Variants in SCGN observed in about 807,000 individuals in gnomAD.
The protein encoded by SCGN is secretagogin.
A neutral mutation model predicts 39.7 loss-of-function variants in SCGN; 30 were observed. The observed-to-expected ratio is 0.76, with a 90% CI of 0.57 to 1.03. The LOEUF is 1.03. SCGN is among the 50% of genes least tolerant of loss of function. The probability of loss-of-function intolerance (pLI) is 0.00; values close to 1 mark genes in which losing one functional copy is unlikely to be tolerated. For synonymous variants in SCGN, 106 were observed against 114.1 expected (o/e 0.93, Z 0.45); for missense variants, 353 against 349.4 (o/e 1.01, Z -0.08).
At chr6:25,662,628 C>A (rs980098225) in intron 3 of SCGN, among the ~76,000 whole-genome samples, 1 of 152,166 alleles carries the variant, frequency 6.6e-6, no homozygotes, top group Non-Finnish European at 1.5e-5. Flanking sequence ...GTTAATAGGG[C>A]AGGATAATGT....
intron 10 of SCGN, 101 bp from the exon 11 acceptor site, chr6:25,701,106 T>A (rs920179673): frequency 3.7e-5 from 50 of 1,354,962 alleles, no homozygotes; most frequent in Non-Finnish European, 7.9e-6. Context: ...CCTGTCTCCT[T>A]CAAGGCAGGA....
chr6:25,684,669 G>A (rs950145108), intron 7 of SCGN, among the ~76,000 whole-genome samples: 3 of 152,120 alleles, frequency 2.0e-5, no homozygotes, highest in African/African-American at 7.2e-5. Context: ...AATTAGCTGG[G>A]TGTGGTGGTG....
chr6:25,661,170 A>C (rs978008393), intron 2 of SCGN, among the ~76,000 whole-genome samples: 9 of 152,226 alleles, frequency 5.9e-5, no homozygotes, highest in African/African-American at 2.2e-4. Context: ...TGGACTTTTC[A>C]GTTAAAAAAT....
rs865840138 is a variant in SCGN at position 25,661,576 on chromosome 6, C to T, written c.178C>T (p.His60Tyr). 6 of 1,613,300 alleles carry T rather than the reference C, an allele frequency of 3.7e-6. No individual in the cohort carries two copies. The highest frequency in any genetic ancestry group is 2.2e-5 in the South Asian group (2 of 90,994). The part of the protein sequence containing the change: ...TDDTVMKANL[H>Y]KVKQQFMTTQ... ...GGACACGGTCATGAAAGCAAATTTG[C>T]ACAAGGTGAAACAGCAGTTTATGAC... is the stretch of plus-strand genomic sequence containing the variant. The change falls in exon 3 of 11, where the codon CAC (histidine) becomes TAC (tyrosine). Residue 60 changes from histidine (H) to tyrosine (Y), a missense_variant. His to Tyr is a moderately conservative substitution (Grantham distance 83). Coordinates refer to ENST00000377961, the MANE Select transcript of SCGN (RefSeq NM_006998.4).
chr6:25,689,506 G>T lies in SCGN; in HGVS notation c.607G>T (p.Glu203Ter), dbSNP rs1423242526. The T allele has an allele frequency of 6.2e-7, 1 of 1,613,930 alleles. No homozygotes were observed. The highest frequency in any genetic ancestry group is 1.3e-5 in the African/African-American group (1 of 75,042). The change falls in exon 9 of 11, where the codon GAG becomes TAG. Residue 203 changes from glutamate (E) to a stop codon, truncating the protein, a stop_gained. Coordinates refer to ENST00000377961, the MANE Select transcript of SCGN (RefSeq NM_006998.4). LOFTEE classifies it high-confidence loss of function. ...TACTGAAGAAAGGAAAAGGGACTTTGAGAAAATCTTTGCCTACTATGATGT... is the reference window on the plus strand; with the variant it reads ...TACTGAAGAAAGGAAAAGGGACTTTTAGAAAATCTTTGCCTACTATGATGT... ...CSTEERKRDF[E>*]KIFAYYDVSK...
intron 10 of SCGN, among the ~76,000 whole-genome samples, chr6:25,691,728 A>G (rs542717148): frequency 4.2e-4 from 64 of 152,216 alleles, no homozygotes; most frequent in African/African-American, 1.4e-3. Flanking sequence ...ATCATTTCCT[A>G]TTCTTCCTTT....
At chr6:25,655,118 A>G (rs987255019) in intron 2 of SCGN, among the ~76,000 whole-genome samples, 9 of 152,204 alleles carry the variant, frequency 5.9e-5, no homozygotes, top group African/African-American at 1.9e-4. Context: ...CTTATCTATC[A>G]TGGACATGGG....
intron 2 of SCGN, among the ~76,000 whole-genome samples, chr6:25,657,312 A>G (rs2011465): frequency 0.82 from 124,683 of 152,096 alleles, 51,386 homozygotes; most frequent in African/African-American, 0.89. Context: ...GCAGAAATCC[A>G]ATGCTCATTC....
chr6:25,694,569 T>C (rs947458453), intron 10 of SCGN, among the ~76,000 whole-genome samples: 2 of 152,236 alleles, frequency 1.3e-5, no homozygotes, highest in Admixed American at 6.5e-5. Flanking sequence ...ACAGAGCTAG[T>C]TCCTAGAGAC....
At chr6:25,682,212 C>T (rs549003644) in intron 7 of SCGN, among the ~76,000 whole-genome samples, 12 of 152,296 alleles carry the variant, frequency 7.9e-5, no homozygotes, top group Non-Finnish European at 1.5e-4. Context: ...CTCTCCAAAA[C>T]GCACAACACA....
At chr6:25,666,256 G>A (rs918387556) in intron 4 of SCGN, among the ~76,000 whole-genome samples, 6 of 151,604 alleles carry the variant, frequency 4.0e-5, no homozygotes, top group Non-Finnish European at 7.4e-5. Context: ...CTCGGGAGGC[G>A]TAGGGTGGAG....
intron 4 of SCGN, among the ~76,000 whole-genome samples, chr6:25,666,744 G>GT (rs1298941870): frequency 6.6e-6 from 1 of 152,106 alleles, no homozygotes; most frequent in East Asian, 1.9e-4. Flanking sequence ...TTGTTTAAAA[G>GT]TTGTTTACCC....
chr6:25,682,054 G>C (rs1239249436), intron 7 of SCGN, 48 bp downstream of exon 7: 1 of 1,388,118 alleles, frequency 7.2e-7, no homozygotes, highest in Non-Finnish European at 1.0e-6. Context: ...ACCTTACTAG[G>C]GGTCTGATGA....
chr6:25,687,242 A>G (rs971006207), intron 7 of SCGN, among the ~76,000 whole-genome samples: 1 of 152,134 alleles, frequency 6.6e-6, no homozygotes, highest in Non-Finnish European at 1.5e-5. Flanking sequence ...TCAGATTTTG[A>G]TGGGGATTGT....
At chr6:25,680,117 C>T (rs1180748371) in intron 6 of SCGN, among the ~76,000 whole-genome samples, 1 of 152,088 alleles carries the variant, frequency 6.6e-6, no homozygotes, top group Non-Finnish European at 1.5e-5. Context: ...CTATTGAGCC[C>T]TCATAAATGG....
intron 8 of SCGN, 117 bp from the exon 9 acceptor site, chr6:25,689,356 C>A: frequency 8.6e-7 from 1 of 1,167,154 alleles, no homozygotes; most frequent in South Asian, 1.3e-5. Flanking sequence ...AGCATGGAAT[C>A]AAGGGATCTT....
At chr6:25,673,691 G>A (rs1759528507) in intron 6 of SCGN, among the ~76,000 whole-genome samples, 1 of 152,140 alleles carries the variant, frequency 6.6e-6, no homozygotes, top group African/African-American at 2.4e-5. Context: ...CATGTGTGCT[G>A]CAGTTAAGTA....
At chr6:25,681,656 A>G (rs1366908669) in intron 6 of SCGN, among the ~76,000 whole-genome samples, 3 of 152,194 alleles carry the variant, frequency 2.0e-5, no homozygotes, top group Non-Finnish European at 2.9e-5. Flanking sequence ...TTGTCACTCC[A>G]TGTCGCCAGA....
chr6:25,691,216 T>A, intron 10 of SCGN, 92 bp downstream of exon 10: 1 of 967,332 alleles, frequency 1.0e-6, no homozygotes, highest in Non-Finnish European at 1.6e-6. Flanking sequence ...TGAAGGTTAA[T>A]GTCAAAGATA....
Sources: allele counts gnomAD v4.1 joint callset (sites outside exome capture counted in the v4.1 genomes callset), GRCh38; gene constraint gnomAD v4.1.1; transcripts MANE v1.5; gene names NCBI Gene and HGNC (gene_info 2026-07-23, HGNC 2026-07-21).